Variants in PPP1R1C observed in about 807,000 individuals in gnomAD.
PPP1R1C encodes the protein protein phosphatase 1 regulatory subunit 1C.
In PPP1R1C, 15 loss-of-function variants were observed where a neutral mutation model predicts 17.4. The observed-to-expected ratio is 0.86, with a 90% CI of 0.58 to 1.33. PPP1R1C has a LOEUF of 1.33. Among genes scored for constraint, PPP1R1C ranks in the 40% most tolerant of loss-of-function variants. The pLI is 0.00. For synonymous variants in PPP1R1C, 35 were observed against 43.1 expected, an observed-to-expected ratio of 0.81 and a Z score of 0.73; for missense variants, 143 against 130.0, an observed-to-expected ratio of 1.10 and a Z score of -0.48.
chr2:182,093,981 T>C (rs1374835582), intron 4 of PPP1R1C, among the ~76,000 whole-genome samples: 1 of 152,194 alleles, frequency 6.6e-6, no homozygotes, highest in Non-Finnish European at 1.5e-5. Context: ...TGTTTAGCGG[T>C]GCACCACTCT....
At chr2:181,970,182 T>G (rs1684979906) in intron 1 of PPP1R1C, among the ~76,000 whole-genome samples, 1 of 152,058 alleles carries the variant, frequency 6.6e-6, no homozygotes, top group Non-Finnish European at 1.5e-5. Flanking sequence ...ATGGTCTTGA[T>G]GCATGTGGTT....
In PPP1R1C at chr2:181,997,947, G is replaced by GT. The variant is rs201255372; in HGVS notation, c.142+10054dup. Among the ~76,000 whole-genome samples the GT allele has an allele frequency of 3.3e-4, 50 of 152,240 alleles. No individual in the cohort carries two copies. The East Asian group carries it at 7.9e-3, about 24-fold the overall frequency. ...TCCTTCATGTCTTAAATATAGCAAT[G>GT]TTTTTTCTGTTAACTCCATTCTATA... On this transcript the variant is annotated intron_variant, in intron 2 of 4. Coordinates refer to ENST00000682840, the MANE Select transcript of PPP1R1C (RefSeq NM_001080545.3).
intron 4 of PPP1R1C, among the ~76,000 whole-genome samples, chr2:182,069,133 C>A (rs1414066069): frequency 1.3e-5 from 2 of 152,118 alleles, no homozygotes; most frequent in Admixed American, 1.3e-4. Context: ...TCACATTTTC[C>A]TTTCTAAATC....
downstream of PPP1R1C, among the ~76,000 whole-genome samples, chr2:182,122,498 C>A (rs1689757374): frequency 6.6e-6 from 1 of 151,856 alleles, no homozygotes; most frequent in Non-Finnish European, 1.5e-5. Context: ...AAAAGTGGTA[C>A]CCCAATCAAA....
chr2:182,070,261 G>T (rs1688103823), intron 4 of PPP1R1C, among the ~76,000 whole-genome samples: 2 of 152,214 alleles, frequency 1.3e-5, no homozygotes, highest in African/African-American at 4.8e-5. Flanking sequence ...CATTCCTCCT[G>T]CTCATGCACA....
chr2:182,064,039 A>C (rs528913556), intron 4 of PPP1R1C: 139 of 433,634 alleles, frequency 3.2e-4, no homozygotes, highest in African/African-American at 2.6e-3. Context: ...TTCCAAAATA[A>C]TGACAAAGAT....
intron 2 of PPP1R1C, chr2:181,975,310 C>G (rs963865254): frequency 1.3e-5 from 2 of 150,062 alleles, no homozygotes; most frequent in Non-Finnish European, 3.0e-5. Context: ...TTCAAGTCTT[C>G]CCTGATTGAT....
At chr2:182,104,437 C>T (rs1689188314) in intron 4 of PPP1R1C, among the ~76,000 whole-genome samples, 1 of 152,186 alleles carries the variant, frequency 6.6e-6, no homozygotes, top group African/African-American at 2.4e-5. Context: ...ACTTTTTCTG[C>T]ACCTATTGAG....
intron 4 of PPP1R1C, among the ~76,000 whole-genome samples, chr2:182,085,137 A>G (rs948420464): frequency 1.3e-5 from 2 of 152,048 alleles, no homozygotes; most frequent in Non-Finnish European, 2.9e-5. Flanking sequence ...TGCTGAATTC[A>G]TATAAATCTA....
chr2:182,074,772 C>A (rs1484277408), intron 4 of PPP1R1C, among the ~76,000 whole-genome samples: 1 of 152,144 alleles, frequency 6.6e-6, no homozygotes, highest in Non-Finnish European at 1.5e-5. Context: ...ATACCCAACA[C>A]CTCAGTTGTG....
intron 2 of PPP1R1C, among the ~76,000 whole-genome samples, chr2:182,035,477 C>G (rs577541249): frequency 1.3e-5 from 2 of 152,226 alleles, no homozygotes; most frequent in South Asian, 4.1e-4. Context: ...TATAGTTTGT[C>G]TCTGTGTCCC....
At chr2:182,030,445 G>C (rs1686783426) in intron 2 of PPP1R1C, among the ~76,000 whole-genome samples, 1 of 150,964 alleles carries the variant, frequency 6.6e-6, no homozygotes, top group African/African-American at 2.4e-5. Flanking sequence ...AGGACCCTCA[G>C]CTGCAGGTCT....
At chr2:182,024,576 A>G (rs1686533406) in intron 2 of PPP1R1C, among the ~76,000 whole-genome samples, 1 of 152,166 alleles carries the variant, frequency 6.6e-6, no homozygotes, top group Non-Finnish European at 1.5e-5. Context: ...CATTAAATTG[A>G]AGAAGTATTA....
intron 4 of PPP1R1C, among the ~76,000 whole-genome samples, chr2:182,106,147 G>A (rs6433955): frequency 0.35 from 53,475 of 151,788 alleles, 9,960 homozygotes; most frequent in Non-Finnish European, 0.41. Flanking sequence ...AATTGATACA[G>A]GAGTGGGGCA....
chr2:182,009,921 A>G (rs1370050650), intron 2 of PPP1R1C, among the ~76,000 whole-genome samples: 1 of 152,114 alleles, frequency 6.6e-6, no homozygotes, highest in Non-Finnish European at 1.5e-5. Context: ...TTGGTCAAAA[A>G]TGAATTCACT....
intron 2 of PPP1R1C, among the ~76,000 whole-genome samples, chr2:182,000,614 A>T (rs988731172): frequency 6.6e-6 from 1 of 152,160 alleles, no homozygotes; most frequent in African/African-American, 2.4e-5. Context: ...TAGAGATATT[A>T]TCTATAAGGA....
intron 2 of PPP1R1C, among the ~76,000 whole-genome samples, chr2:181,979,074 G>T (rs1235609703): frequency 6.6e-6 from 1 of 152,124 alleles, no homozygotes; most frequent in East Asian, 1.9e-4. Context: ...AAATAGTTAA[G>T]AGTTTTATCC....
chr2:182,123,595 A>G (rs146039389), intron 5 of PPP1R1C, among the ~76,000 whole-genome samples: 2,578 of 152,278 alleles, frequency 0.017, 25 homozygotes, highest in Non-Finnish European at 0.025. Context: ...GCATTTCTCT[A>G]GTGACCAGTG....
At position 181,961,253 on chromosome 2, in the gene PPP1R1C, C is replaced by T. The variant is rs569499471; in HGVS notation, n.111+6619C>T. ...ATTGGTCTCAGACACCACTTTGCGG[C>T]GGGTGGTGGTCTTTGGATGGTTTGC... On this transcript the variant is annotated intron_variant and non_coding_transcript_variant, in intron 1 of 5. Coordinates refer to the PPP1R1C transcript ENST00000464264. The surrounding 1 kb of genome is among the most constrained non-coding windows in gnomAD (Gnocchi z 5.8). 6.8e-4 allele frequency: 542 copies of T among 795,966 alleles called. 1 individual carries two copies. Among genetic ancestry groups the T allele is most frequent in the Non-Finnish European group, 1.4e-4 (62 of 458,978 alleles). 49.3% of individuals were successfully genotyped at this position (795,966 alleles called of 1,614,324 possible).
Sources: gnomAD v4.1 joint callset for allele counts (sites outside exome capture counted in the v4.1 genomes callset) on GRCh38, gnomAD v4.1.1 for gene constraint, Gnocchi (gnomAD v3.1) non-coding constraint, MANE v1.5 for transcripts, NCBI Gene and HGNC (gene_info 2026-07-23, HGNC 2026-07-21) for gene names.